Variants in EPM2A observed in about 807,000 individuals in gnomAD.
EPM2A encodes EPM2A glucan phosphatase, laforin, also known as laforin.
A neutral mutation model predicts 26.5 loss-of-function variants in EPM2A; 21 were observed. The observed-to-expected ratio is 0.79, with a 90% CI of 0.56 to 1.14. The LOEUF (loss-of-function observed/expected upper bound fraction) is 1.14, where lower values mean the gene tolerates loss of function less well. EPM2A is among the 50% of genes most tolerant of loss of function. The pLI, the probability that EPM2A is intolerant of heterozygous loss-of-function variation, is 0.00. For synonymous variants in EPM2A, 217 were observed against 177.6 expected (o/e 1.22, Z -1.76); for missense variants, 458 against 440.8 (o/e 1.04, Z -0.35).
intron 1 of EPM2A, among the ~76,000 whole-genome samples, chr6:145,727,509 A>G (rs1444915535): frequency 3.3e-5 from 5 of 149,346 alleles, no homozygotes; most frequent in African/African-American, 4.9e-5. Flanking sequence ...GCCCATGATA[A>G]AAAAAAAAAA....
At chr6:145,727,226 T>G (rs1390223504) in intron 1 of EPM2A, among the ~76,000 whole-genome samples, 1 of 152,120 alleles carries the variant, frequency 6.6e-6, no homozygotes, top group Non-Finnish European at 1.5e-5. Flanking sequence ...ATAAGGACAC[T>G]GGCTATATCT....
chr6:145,587,377 G>C (rs1326691480), intron 2 of EPM2A, among the ~76,000 whole-genome samples: 1 of 152,176 alleles, frequency 6.6e-6, no homozygotes, highest in Non-Finnish European at 1.5e-5. Context: ...ATGCCTTGAA[G>C]TGTTATTCCT....
At chr6:145,499,363 C>G (rs1779859897), downstream of EPM2A, among the ~76,000 whole-genome samples, 1 of 152,148 alleles carries the variant, frequency 6.6e-6, no homozygotes, top group Admixed American at 6.5e-5. Flanking sequence ...TCTGCCCTAC[C>G]TGTTATTTAG....
At chr6:145,386,389 A>G (rs1778262259) in intron 4 of EPM2A, among the ~76,000 whole-genome samples, 1 of 152,112 alleles carries the variant, frequency 6.6e-6, no homozygotes, top group Non-Finnish European at 1.5e-5. Flanking sequence ...ATCACCCGAG[A>G]GTTATCGAAA....
intron 4 of EPM2A, among the ~76,000 whole-genome samples, chr6:145,465,898 T>A (rs1779385523): frequency 6.6e-6 from 1 of 152,120 alleles, no homozygotes; most frequent in Non-Finnish European, 1.5e-5. Context: ...AAGGATTCCC[T>A]ATTTAATAAA....
At position 145,616,456 on chromosome 6, in the gene EPM2A, G is replaced by A. The variant is rs527501113; in HGVS notation, c.340+18789C>T. Among the ~76,000 whole-genome samples, 4 of 152,372 alleles carry A rather than the reference G, an allele frequency of 2.6e-5. No homozygotes were observed. The South Asian group carries it at 8.3e-4, about 32-fold the overall frequency. On this transcript the variant is annotated intron_variant, in intron 2 of 3. Transcript: ENST00000450221. ...GGAGAACCTCTGCTAGGGCAGCGAG[G>A]AAGGGAAATGTGGGGTCAGAGCACC...
chr6:145,435,379 A>G (rs1165409849), intron 4 of EPM2A, among the ~76,000 whole-genome samples: 1 of 150,148 alleles, frequency 6.7e-6, no homozygotes, highest in Non-Finnish European at 1.5e-5. Flanking sequence ...ATGAAATGGG[A>G]CAAATCAATG....
At chr6:145,543,677 G>T (rs1034806719) in intron 2 of EPM2A, among the ~76,000 whole-genome samples, 4 of 152,170 alleles carry the variant, frequency 2.6e-5, no homozygotes, top group Admixed American at 6.5e-5. Context: ...TGGATATTAA[G>T]AATATATTCC....
chr6:145,408,648 C>T (rs10484699), intron 4 of EPM2A, among the ~76,000 whole-genome samples: 18,257 of 152,152 alleles, frequency 0.12, 1,169 homozygotes, highest in South Asian at 0.24. Context: ...AAACAGATAC[C>T]TGCTGGGCAC....
intron 4 of EPM2A, among the ~76,000 whole-genome samples, chr6:145,473,803 T>C (rs752941489): frequency 3.5e-4 from 54 of 152,188 alleles, no homozygotes; most frequent in Non-Finnish European, 6.3e-4. Context: ...CCTAGAATAA[T>C]ATAACTGGTG....
At chr6:145,677,162 A>C (rs2128605343) in intron 2 of EPM2A, among the ~76,000 whole-genome samples, 1 of 152,344 alleles carries the variant, frequency 6.6e-6, no homozygotes, top group South Asian at 2.1e-4. Context: ...CTATCACATA[A>C]ACAGAACCAA....
chr6:145,472,767 C>T (rs1008622310), intron 4 of EPM2A, among the ~76,000 whole-genome samples: 1 of 152,094 alleles, frequency 6.6e-6, no homozygotes, highest in Admixed American at 6.6e-5. Context: ...GCGAGATAGA[C>T]TTCTATCTAA....
At chr6:145,581,283 G>T (rs1423322108) in intron 2 of EPM2A, among the ~76,000 whole-genome samples, 1 of 152,000 alleles carries the variant, frequency 6.6e-6, no homozygotes, top group Non-Finnish European at 1.5e-5. Context: ...ATGTTTGTTG[G>T]CTGCGTGTAT....
intron 4 of EPM2A, among the ~76,000 whole-genome samples, chr6:145,445,934 T>C (rs537565597): frequency 4.3e-4 from 66 of 152,276 alleles, no homozygotes; most frequent in Non-Finnish European, 7.8e-4. Context: ...TTATTGGTGG[T>C]CTTACACCTT....
At chr6:145,461,284 G>A (rs1015093498) in intron 4 of EPM2A, among the ~76,000 whole-genome samples, 4 of 152,128 alleles carry the variant, frequency 2.6e-5, no homozygotes, top group African/African-American at 9.7e-5. Flanking sequence ...AGTGTGTGAT[G>A]GACTTTTCTT....
chr6:145,730,933 C>T, intron 1 of EPM2A, among the ~76,000 whole-genome samples: 1 of 152,130 alleles, frequency 6.6e-6, no homozygotes, highest in South Asian at 2.1e-4. Flanking sequence ...CAACCCCTTC[C>T]CATCACCAAC....
intron 2 of EPM2A, among the ~76,000 whole-genome samples, chr6:145,517,984 C>A (rs192664152): frequency 6.6e-6 from 1 of 152,130 alleles, no homozygotes; most frequent in African/African-American, 2.4e-5. Context: ...CCTAAGGCCA[C>A]GCCAATTGAT....
At chr6:145,389,718 T>G (rs1472143574) in intron 4 of EPM2A, among the ~76,000 whole-genome samples, 1 of 152,188 alleles carries the variant, frequency 6.6e-6, no homozygotes, top group African/African-American at 2.4e-5. Context: ...CCTTGCTTGA[T>G]AAGCAGTGAA....
At chr6:145,620,398 G>A (rs1775607818), downstream of EPM2A, among the ~76,000 whole-genome samples, 1 of 152,162 alleles carries the variant, frequency 6.6e-6, no homozygotes, top group African/African-American at 2.4e-5. Flanking sequence ...CTGCTGTGTG[G>A]CCCGGTTCCT....
Sources: allele counts gnomAD v4.1 joint callset (sites outside exome capture counted in the v4.1 genomes callset), GRCh38; gene constraint gnomAD v4.1.1; transcripts MANE v1.5; gene names NCBI Gene and HGNC (gene_info 2026-07-23, HGNC 2026-07-21).